PACRG: variants seen among roughly 807,000 people sequenced by gnomAD.
PACRG encodes the protein parkin coregulated gene protein.
In PACRG, 29 loss-of-function variants were observed where a neutral mutation model predicts 29.7. The observed-to-expected ratio is 0.98, with a 90% CI of 0.73 to 1.33. PACRG has a LOEUF of 1.33. Among genes scored for constraint, PACRG ranks in the 40% most tolerant of loss-of-function variants. PACRG has a pLI of 0.00. For missense variants in PACRG, 279 were observed against 316.2 expected, an observed-to-expected ratio of 0.88 and a Z score of 0.89; for synonymous variants, 116 against 118.7, an observed-to-expected ratio of 0.98 and a Z score of 0.15.
chr6:163,050,678 A>C (rs1033232604), intron 2 of PACRG, among the ~76,000 whole-genome samples: 4 of 152,218 alleles, frequency 2.6e-5, no homozygotes, highest in Non-Finnish European at 5.9e-5. Flanking sequence ...TTGTAGATGA[A>C]TAACTTTTGT....
intron 2 of PACRG, among the ~76,000 whole-genome samples, chr6:162,969,984 C>T (rs186013128): frequency 1.2e-4 from 19 of 152,252 alleles, no homozygotes; most frequent in South Asian, 8.3e-4. Context: ...AATGAATGGT[C>T]GAATGAAAAG....
intron 2 of PACRG, among the ~76,000 whole-genome samples, chr6:162,898,765 G>A (rs887443410): frequency 2.6e-5 from 4 of 152,138 alleles, no homozygotes; most frequent in African/African-American, 7.2e-5. Context: ...AGCTATTATC[G>A]TTATGGTCTT....
chr6:163,247,592 C>T (rs976698614), intron 4 of PACRG, among the ~76,000 whole-genome samples: 2 of 152,132 alleles, frequency 1.3e-5, no homozygotes, highest in African/African-American at 4.8e-5. Context: ...TTGATGAGGT[C>T]CCAGGAGCAC....
chr6:163,087,448 C>T (rs569420518), intron 3 of PACRG, among the ~76,000 whole-genome samples: 6 of 147,468 alleles, frequency 4.1e-5, no homozygotes, highest in Non-Finnish European at 5.9e-5. Context: ...AGATGGAAAC[C>T]AGGACCAGAG....
intron 4 of PACRG, among the ~76,000 whole-genome samples, chr6:163,306,506 C>G (rs1157010152): frequency 6.6e-6 from 1 of 152,150 alleles, no homozygotes; most frequent in Non-Finnish European, 1.5e-5. Flanking sequence ...TTGACCAAAT[C>G]ATTGTCAATT....
chr6:163,111,520 C>T (rs1020448071), intron 4 of PACRG, among the ~76,000 whole-genome samples: 40 of 152,300 alleles, frequency 2.6e-4, no homozygotes, highest in African/African-American at 9.6e-4. Context: ...AAACTTAGAA[C>T]TGATAGGATG....
At chr6:163,138,689 G>T (rs1478235706) in intron 4 of PACRG, among the ~76,000 whole-genome samples, 1 of 152,178 alleles carries the variant, frequency 6.6e-6, no homozygotes, top group Non-Finnish European at 1.5e-5. Flanking sequence ...TATGCAGCCT[G>T]GTTCCTAACA....
intron 4 of PACRG, among the ~76,000 whole-genome samples, chr6:163,108,443 G>T (rs1815517596): frequency 7.7e-6 from 1 of 129,896 alleles, no homozygotes; most frequent in African/African-American, 2.8e-5. Flanking sequence ...TGCCCAGGCT[G>T]GAACGCAGTG....
chr6:163,269,835 GAAA>G (rs1357780809), intron 4 of PACRG, among the ~76,000 whole-genome samples: 1 of 24,056 alleles, frequency 4.2e-5, no homozygotes, highest in African/African-American at 1.6e-4. Flanking sequence ...AAGAAAGAAA[GAAA>G]AAGAAAGAAA....
At chr6:163,103,928 A>G (rs980441760) in intron 4 of PACRG, among the ~76,000 whole-genome samples, 10 of 152,234 alleles carry the variant, frequency 6.6e-5, no homozygotes, top group Admixed American at 2.6e-4. Context: ...CCCAAGAAAT[A>G]AGCAGGTCCT....
intron 2 of PACRG, among the ~76,000 whole-genome samples, chr6:162,926,971 A>C (rs973319106): frequency 6.6e-6 from 1 of 152,118 alleles, no homozygotes; most frequent in African/African-American, 2.4e-5. Context: ...AAAAACAAAC[A>C]ACTCCATCAA....
intron 4 of PACRG, among the ~76,000 whole-genome samples, chr6:163,181,604 CAAAAAAAAAA>C (rs544633309): frequency 5.4e-4 from 35 of 65,116 alleles, no homozygotes; most frequent in African/African-American, 1.4e-3. Context: ...CTTGAGGTGG[CAAAAAAAAAA>C]AAAAAAAAAA....
chr6:163,181,401 C>A (rs903728660), intron 4 of PACRG, among the ~76,000 whole-genome samples: 6 of 152,062 alleles, frequency 3.9e-5, no homozygotes, highest in Non-Finnish European at 8.8e-5. Context: ...AAAGCAGTGC[C>A]GGGGCTGGAG....
chr6:162,938,712 C>T (rs2221975), intron 2 of PACRG, among the ~76,000 whole-genome samples: 22,381 of 152,074 alleles, frequency 0.15, 2,635 homozygotes, highest in African/African-American at 0.32. Context: ...AGTAAGGTGG[C>T]ATTGCATTGT....
At chr6:163,165,826 C>G in intron 4 of PACRG, 3 of 294,784 alleles carry the variant, frequency 1.0e-5, no homozygotes, top group Non-Finnish European at 2.0e-5. Flanking sequence ...GGCGAGGGGA[C>G]CAGGGAGGCC....
intron 2 of PACRG, among the ~76,000 whole-genome samples, chr6:162,822,721 C>T (rs1177951333): frequency 6.6e-6 from 1 of 151,992 alleles, no homozygotes; most frequent in African/African-American, 2.4e-5. Flanking sequence ...TCTTGAATAT[C>T]TTGAAAATAT....
chr6:162,947,307 A>T (rs1799102419), intron 2 of PACRG, among the ~76,000 whole-genome samples: 1 of 113,606 alleles, frequency 8.8e-6, no homozygotes, highest in Admixed American at 9.9e-5. Flanking sequence ...CATATAATAT[A>T]TATAATCATA....
intron 2 of PACRG, among the ~76,000 whole-genome samples, chr6:163,026,878 G>A (rs541461915): frequency 1.3e-5 from 2 of 152,350 alleles, no homozygotes; most frequent in African/African-American, 2.4e-5. Context: ...TGATCCAGAA[G>A]CTTCTTCCCA....
At chr6:163,254,420 C>T (rs1007968578) in intron 4 of PACRG, among the ~76,000 whole-genome samples, 8 of 152,142 alleles carry the variant, frequency 5.3e-5, no homozygotes, top group African/African-American at 1.7e-4. Context: ...ACTTTAAATT[C>T]CACCCGAAAA....
Sources: allele counts gnomAD v4.1 joint callset (sites outside exome capture counted in the v4.1 genomes callset), GRCh38; gene constraint gnomAD v4.1.1; transcripts MANE v1.5; gene names NCBI Gene and HGNC (gene_info 2026-07-23, HGNC 2026-07-21).